Variants in IL12RB2 observed in about 807,000 individuals in gnomAD.
IL12RB2 encodes the protein interleukin-12 receptor subunit beta-2.
In IL12RB2, 82 loss-of-function variants were observed where a neutral mutation model predicts 89.4. The ratio of observed to expected loss-of-function variants is 0.92; its 90% CI spans 0.77 to 1.10. The LOEUF (loss-of-function observed/expected upper bound fraction) is 1.10. IL12RB2 is among the 50% of genes least tolerant of loss of function. The pLI is 0.00. For missense variants in IL12RB2, 963 were observed against 1,031.9 expected (o/e 0.93, Z 0.92); for synonymous variants, 368 against 370.1 (o/e 0.99, Z 0.07).
At chr1:67,341,137 C>T (rs1357785169) in intron 9 of IL12RB2, among the ~76,000 whole-genome samples, 8 of 152,246 alleles carry the variant, frequency 5.3e-5, no homozygotes, top group Middle Eastern at 3.4e-3. Flanking sequence ...CAGTGGCTTA[C>T]GCCAGTAATA....
intron 4 of IL12RB2, among the ~76,000 whole-genome samples, chr1:67,323,024 C>G (rs1326105000): frequency 2.0e-5 from 3 of 152,186 alleles, no homozygotes; most frequent in African/African-American, 7.2e-5. Flanking sequence ...AAGAATTGCT[C>G]TAGCAGGCTG....
At chr1:67,358,140 A>G (rs1418660483) in intron 10 of IL12RB2, among the ~76,000 whole-genome samples, 1 of 152,212 alleles carries the variant, frequency 6.6e-6, no homozygotes, top group East Asian at 1.9e-4. Flanking sequence ...CAAATCACCT[A>G]CTAAAGAAAA....
chr1:67,365,996 CTGTTA>C (rs1210269570), intron 10 of IL12RB2, among the ~76,000 whole-genome samples: 2 of 152,086 alleles, frequency 1.3e-5, no homozygotes, highest in South Asian at 2.1e-4. Context: ...CTGTTGAAAA[CTGTTA>C]TGTTAAGACT....
chr1:67,380,252 C>T lies in IL12RB2; in HGVS notation c.1855+129C>T, dbSNP rs193047606. On this transcript the variant is annotated intron_variant, in intron 14 of 16. Coordinates refer to ENST00000674203, the MANE Select transcript of IL12RB2 (RefSeq NM_001374259.2). ...TAAAAACTTTCTTGCTGTCACTTTA[C>T]ACTTGCTGTTTCTCCTAAATAGAAT... The T allele has an allele frequency of 5.4e-5, 49 of 902,624 alleles. No homozygotes were observed. In the African/African-American group the frequency reaches 7.4e-4, roughly 14 times the overall value. 55.9% of individuals were successfully genotyped at this position (902,624 alleles called of 1,614,324 possible). A position where few individuals can be genotyped will look rare whatever the true frequency, so the allele number is the denominator to read the frequency against.
Position 67,371,413 on chromosome 1 carries a change from C to A in IL12RB2, c.1460-1023C>A, listed in dbSNP as rs1343025533. 4.1e-5 allele frequency among the ~76,000 whole-genome samples: 6 copies of A among 147,320 alleles called. No individual in the cohort carries two copies. In the South Asian group the frequency reaches 8.4e-4, roughly 21 times the overall value. ...TTTTCTATGATATAAAATTATTCTT[C>A]CTGAAAAAAAAAAAAGTTAAACCCT... is the stretch of plus-strand genomic sequence containing the variant. On this transcript the variant is annotated intron_variant, in intron 11 of 16. Transcript: ENST00000674203.
intron 10 of IL12RB2, among the ~76,000 whole-genome samples, chr1:67,362,570 C>T (rs1216128718): frequency 3.9e-5 from 3 of 77,600 alleles, no homozygotes; most frequent in African/African-American, 1.4e-4. Flanking sequence ...GAGACTCCGT[C>T]TCAAAAAAAA....
rs369561807 is a variant in IL12RB2 at position 67,351,102 on chromosome 1, T to G, written c.1258+13T>G. ...CTGTGTGAGGCAGGTAAGTTCTAATTTTTCTTTAACATTGCCTGTGGAAAA... is the reference window on the plus strand; with the variant it reads ...CTGTGTGAGGCAGGTAAGTTCTAATGTTTCTTTAACATTGCCTGTGGAAAA... On this transcript the variant is annotated intron_variant, in intron 10 of 16. Coordinates refer to ENST00000674203, the MANE Select transcript of IL12RB2 (RefSeq NM_001374259.2). The G allele has an allele frequency of 1.6e-5, 26 of 1,611,800 alleles. No individual in the cohort carries two copies. The African/African-American group carries it at 2.9e-4, about 18-fold the overall frequency.
At chr1:67,335,115 A>G (rs1298591720) in intron 8 of IL12RB2, among the ~76,000 whole-genome samples, 2 of 152,226 alleles carry the variant, frequency 1.3e-5, no homozygotes, top group Non-Finnish European at 2.9e-5. Context: ...ACTCTTTTCA[A>G]GAAGTTATAT....
At chr1:67,331,227 AGTAGG>A (rs1658032593) in intron 8 of IL12RB2, among the ~76,000 whole-genome samples, 1 of 152,236 alleles carries the variant, frequency 6.6e-6, no homozygotes, top group South Asian at 2.1e-4. Context: ...CTTGAAAGAA[AGTAGG>A]CTCTGGAGAC....
intron 2 of IL12RB2, among the ~76,000 whole-genome samples, chr1:67,315,826 G>A (rs189132930): frequency 6.6e-6 from 1 of 152,322 alleles, no homozygotes; most frequent in Non-Finnish European, 1.5e-5. Flanking sequence ...AGTACAGGGA[G>A]TGTCTTTCAT....
Position 67,322,436 on chromosome 1 carries a change from C to CA in IL12RB2, c.364+571dup, listed in dbSNP as rs56249028. On this transcript the variant is annotated intron_variant, in intron 4 of 16. Transcript: ENST00000674203. ...CAGTTCTCTAGGAAACTGACTCCAG[C>CA]AAAAAAAAAAAAAAAAAAAAAAAAT... Among the ~76,000 whole-genome samples, 232 of 127,188 alleles carry CA rather than the reference C, an allele frequency of 1.8e-3. 1 individual carries two copies. Among genetic ancestry groups the CA allele is most frequent in the South Asian group, 0.015 (55 of 3,658 alleles). 83.4% of individuals were successfully genotyped at this position (127,188 alleles called of 152,430 possible). A position where few individuals can be genotyped will look rare whatever the true frequency, so the allele number is the denominator to read the frequency against.
At chr1:67,332,119 T>C (rs563608963) in intron 8 of IL12RB2, among the ~76,000 whole-genome samples, 2 of 152,324 alleles carry the variant, frequency 1.3e-5, no homozygotes, top group African/African-American at 4.8e-5. Context: ...CATACATCAA[T>C]GACATTCAAG....
chr1:67,342,744 A>T, intron 9 of IL12RB2, among the ~76,000 whole-genome samples: 1 of 142,574 alleles, frequency 7.0e-6, no homozygotes, highest in Non-Finnish European at 1.5e-5. Context: ...ATCTTGTACT[A>T]CTTTTTAAAA....
At chr1:67,383,143 CA>C (rs1453799665) in intron 14 of IL12RB2, among the ~76,000 whole-genome samples, 7 of 152,146 alleles carry the variant, frequency 4.6e-5, no homozygotes, top group Non-Finnish European at 1.0e-4. Flanking sequence ...GAAGGGAAAG[CA>C]AACATGTCCT....
chr1:67,384,421 G>C (rs1664925641), intron 14 of IL12RB2, among the ~76,000 whole-genome samples: 1 of 152,214 alleles, frequency 6.6e-6, no homozygotes, highest in African/African-American at 2.4e-5. Context: ...TACAGAAGTG[G>C]GGGCCCTGGA....
At chr1:67,338,757 A>G (rs2100747221) in intron 9 of IL12RB2, 54 bp downstream of exon 9, 1 of 867,152 alleles carries the variant, frequency 1.2e-6, no homozygotes, top group East Asian at 2.4e-5. Flanking sequence ...AAGGCAGAAA[A>G]AGACCTATTT....
At chr1:67,339,938 T>C (rs1659335197) in intron 9 of IL12RB2, among the ~76,000 whole-genome samples, 1 of 152,190 alleles carries the variant, frequency 6.6e-6, no homozygotes, top group African/African-American at 2.4e-5. Context: ...AACTGCACTC[T>C]TTATTTCTCA....
chr1:67,319,529 G>T (rs570787155), intron 2 of IL12RB2, among the ~76,000 whole-genome samples: 1 of 152,040 alleles, frequency 6.6e-6, no homozygotes, highest in African/African-American at 2.4e-5. Flanking sequence ...GCCATTTTTC[G>T]ATCTACTGAT....
At chr1:67,369,341 AG>A (rs1030381457) in intron 11 of IL12RB2, among the ~76,000 whole-genome samples, 1 of 152,252 alleles carries the variant, frequency 6.6e-6, no homozygotes, top group African/African-American at 2.4e-5. Flanking sequence ...TACACATAAA[AG>A]AGTATGTTTT....
Sources: gnomAD v4.1 joint callset for allele counts (sites outside exome capture counted in the v4.1 genomes callset) on GRCh38, gnomAD v4.1.1 for gene constraint, MANE v1.5 for transcripts, NCBI Gene and HGNC (gene_info 2026-07-23, HGNC 2026-07-21) for gene names.